Variants in APRT observed in about 807,000 individuals in gnomAD.
APRT encodes the protein adenine phosphoribosyltransferase.
A neutral mutation model predicts 21.0 loss-of-function variants in APRT; 25 were observed. That is an observed-to-expected ratio of 1.19 (90% CI 0.87 to 1.66). The LOEUF is 1.66. Ranked by LOEUF, APRT falls within the 40% of genes most tolerant of loss-of-function variation. APRT has a pLI of 0.00. For synonymous variants in APRT, 153 were observed against 109.0 expected (o/e 1.40, Z -2.52); for missense variants, 294 against 232.7 (o/e 1.26, Z -1.72).
In APRT at chr16:88,809,634, A is replaced by C. The variant is rs1194988526; in HGVS notation, c.*64T>G. On this transcript the variant is annotated 3_prime_UTR_variant, in exon 5 of 5. Transcript: ENST00000378364. ...GGCAGCCGGTGCCCCTGGTCACTGC[A>C]GTTGCCCAAGGCTGATATTTCCCTG... The C allele has an allele frequency of 1.2e-5, 20 of 1,607,606 alleles. No homozygotes were observed. The highest frequency in any genetic ancestry group is 4.0e-5 in the African/African-American group (3 of 74,796).
intron 2 of APRT, 114 bp from the exon 3 acceptor site, chr16:88,810,670 A>T: frequency 7.4e-7 from 1 of 1,350,346 alleles, no homozygotes; most frequent in Non-Finnish European, 1.0e-6. Flanking sequence ...AGTGACATGC[A>T]CCATTTAAGG....
chr16:88,811,422 C>T (rs1382325089), intron 2 of APRT, 128 bp downstream of exon 2: 2 of 1,016,980 alleles, frequency 2.0e-6, no homozygotes, highest in Non-Finnish European at 2.9e-6. Context: ...GACCCAAGCA[C>T]GGCGCCCGTC....
At chr16:88,810,239 C>A (rs1909066042) in intron 3 of APRT, 91 bp from the exon 4 acceptor site, 2 of 1,525,672 alleles carry the variant, frequency 1.3e-6, no homozygotes, top group African/African-American at 2.7e-5. Context: ...ACCCTGACTC[C>A]AACCCCACCT....
chr16:88,809,563 C>A lies in APRT; in HGVS notation c.*135G>T. The A allele has an allele frequency of 7.1e-7, 1 of 1,415,364 alleles. No homozygotes were observed. 87.7% of individuals were successfully genotyped at this position (1,415,364 alleles called of 1,614,324 possible). ...TTGCCCCAGGCTTTGGCACTTCCAGCCCCAGGAGAGGCGCTGAACCCCAGC... is the reference window on the plus strand; with the variant it reads ...TTGCCCCAGGCTTTGGCACTTCCAGACCCAGGAGAGGCGCTGAACCCCAGC... On this transcript the variant is annotated 3_prime_UTR_variant, in exon 5 of 5. Coordinates refer to ENST00000378364, the MANE Select transcript of APRT (RefSeq NM_000485.3).
At position 88,810,281 on chromosome 16, in the gene APRT, T is replaced by C. The variant is rs1188285831; in HGVS notation, c.322-133A>G. 7.3e-6 allele frequency: 11 copies of C among 1,496,936 alleles called. No individual in the cohort carries two copies. In the African/African-American group the frequency reaches 9.7e-5, roughly 13 times the overall value. 92.7% of individuals were successfully genotyped at this position (1,496,936 alleles called of 1,614,324 possible). A position where few individuals can be genotyped will look rare whatever the true frequency, so the allele number is the denominator to read the frequency against. ...TACCTGGCTGTGTGAGCCCAGCCTATGTCTCAACCTCTCTGAGCTCCCAAG... is the reference window on the plus strand; with the variant it reads ...TACCTGGCTGTGTGAGCCCAGCCTACGTCTCAACCTCTCTGAGCTCCCAAG... On this transcript the variant is annotated intron_variant, in intron 3 of 4. Transcript: ENST00000378364.
intron 2 of APRT, among the ~76,000 whole-genome samples, chr16:88,810,874 C>G (rs546747797): frequency 1.3e-5 from 2 of 152,286 alleles, no homozygotes; most frequent in South Asian, 4.1e-4. Context: ...CAGCTCTGCA[C>G]CAGGGCTTCT....
chr16:88,811,628 C>T lies in APRT; in HGVS notation c.109G>A (p.Ala37Thr), dbSNP rs1470929707. 12 of 1,601,020 alleles carry T rather than the reference C, an allele frequency of 7.5e-6. No homozygotes were observed. The highest frequency in any genetic ancestry group is 9.4e-6 in the Non-Finnish European group (11 of 1,174,552). Residue 37 changes from alanine (A) to threonine (T), a missense_variant, in exon 2 of 5, where the codon GCC becomes ACC. By Grantham distance (58) the Ala-to-Thr change is moderately conservative. Coordinates refer to ENST00000378364, the MANE Select transcript of APRT (RefSeq NM_000485.3). ...AGGCCGATGGCGGCGCGGAAGGAGGCGGGGTCCTTCAGGACGGGCGAGATG... is the reference window on the plus strand; with the variant it reads ...AGGCCGATGGCGGCGCGGAAGGAGGTGGGGTCCTTCAGGACGGGCGAGATG... Reference protein sequence around the residue: ...RDISPVLKDPASFRAAIGLLA... With the variant: ...RDISPVLKDPTSFRAAIGLLA...
At position 88,810,111 on chromosome 16, in the gene APRT, C is replaced by A. The variant is rs776948275; in HGVS notation, c.359G>T (p.Gly120Val). Reference sequence around the variant, plus strand: ...ATCATCCACGACGACCACCCTCTGTCCTGGCTCCAGGGCGTCTTTCTGAAT... The same window carrying A: ...ATCATCCACGACGACCACCCTCTGTACTGGCTCCAGGGCGTCTTTCTGAAT... ...LEIQKDALEP[G>V]QRVVVVDDLL... Residue 120 changes from glycine (G) to valine (V), a missense_variant, in exon 4 of 5, where the codon GGA (glycine) becomes GTA (valine). By Grantham distance (109) the Gly-to-Val change is moderately radical. Transcript: ENST00000378364. 1.2e-6 allele frequency: 2 copies of A among 1,613,204 alleles called. No individual in the cohort carries two copies. The highest frequency in any genetic ancestry group is 1.7e-5 in the Admixed American group (1 of 60,008).
At chr16:88,810,325 G>C (rs1284735588) in intron 3 of APRT, 98 bp downstream of exon 3, 20 of 1,558,530 alleles carry the variant, frequency 1.3e-5, no homozygotes, top group Middle Eastern at 1.7e-4. Context: ...AACCACAGCA[G>C]CTCCACTTGA....
chr16:88,809,939 G>C, intron 4 of APRT, 99 bp from the exon 5 acceptor site: 1 of 1,575,108 alleles, frequency 6.3e-7, no homozygotes, highest in Non-Finnish European at 8.7e-7. Context: ...ATGGGGAGAG[G>C]AAGGTGTCGG....
Position 88,809,747 on chromosome 16 carries a change from C to G in APRT, c.494G>C (p.Arg165Thr), listed in dbSNP as rs1909036208. 1 of 1,613,430 alleles carries G rather than the reference C, an allele frequency of 6.2e-7. No individual in the cohort carries two copies. Among genetic ancestry groups the G allele is most frequent in the Non-Finnish European group, 8.5e-7 (1 of 1,180,016 alleles). ...GAAGGGTACAGGTGCCAGCTTCTCC[C>G]TGCCCTTAAGCGAGGTCAGCTCCAC... ...SLVELTSLKGREKLAPVPFFS... is the reference protein window; with the variant it reads ...SLVELTSLKGTEKLAPVPFFS... Residue 165 changes from arginine (R) to threonine (T), a missense_variant, in exon 5 of 5, where the codon AGG (arginine) becomes ACG (threonine). Physicochemically the swap from Arg to Thr is moderately conservative, Grantham distance 71. Coordinates refer to ENST00000378364, the MANE Select transcript of APRT (RefSeq NM_000485.3).
Position 88,809,615 on chromosome 16 carries a change from C to T in APRT, c.*83G>A, listed in dbSNP as rs748634790. On this transcript the variant is annotated 3_prime_UTR_variant, in exon 5 of 5. Coordinates refer to ENST00000378364, the MANE Select transcript of APRT (RefSeq NM_000485.3). ...AAGGAATGTGTTCCCTGTGGGCAGC[C>T]GGTGCCCCTGGTCACTGCAGTTGCC... The T allele has an allele frequency of 1.1e-3, 1,717 of 1,591,740 alleles. 1 individual carries two copies. The highest frequency in any genetic ancestry group is 1.4e-3 in the Non-Finnish European group (1,617 of 1,162,716).
In APRT at chr16:88,811,895, G is replaced by A; in HGVS notation, c.5C>T (p.Ala2Val). 5 of 1,551,576 alleles carry A rather than the reference G, an allele frequency of 3.2e-6. No individual in the cohort carries two copies. The highest frequency in any genetic ancestry group is 3.5e-6 in the Non-Finnish European group (4 of 1,150,776). ...CTCAACCAGCTGCAGCTCGGAGTCG[G>A]CCATGGCCGCGTGCGAAGAGCCAGC... M[A>V]DSELQLVEQR... The change falls in exon 1 of 5, where the codon GCC (alanine) becomes GTC (valine). Residue 2 changes from alanine to valine, a missense_variant. By Grantham distance (64) the Ala-to-Val change is moderately conservative. Coordinates refer to ENST00000378364, the MANE Select transcript of APRT (RefSeq NM_000485.3).
At chr16:88,811,232 G>C (rs1053384061) in intron 2 of APRT, 2 of 486,694 alleles carry the variant, frequency 4.1e-6, no homozygotes, top group African/African-American at 4.1e-5. Context: ...ATACCAGCTC[G>C]CAGAAGGAAC....
At chr16:88,811,689 G>A (rs528135115) in intron 1 of APRT, 33 bp from the exon 2 acceptor site, 23 of 1,534,410 alleles carry the variant, frequency 1.5e-5, no homozygotes, top group Non-Finnish European at 1.9e-5. Context: ...TGACGCCGGG[G>A]CCGAAGGAGG....
chr16:88,811,706 C>T (rs1160328733), intron 1 of APRT, 50 bp from the exon 2 acceptor site: 3 of 1,512,234 alleles, frequency 2.0e-6, no homozygotes, highest in Non-Finnish European at 2.7e-6. Flanking sequence ...GAGGGCAGGG[C>T]CCCGGGGGCG....
At chr16:88,810,607 G>A (rs1238816739) in intron 2 of APRT, 51 bp from the exon 3 acceptor site, 2 of 1,595,594 alleles carry the variant, frequency 1.3e-6, no homozygotes, top group Non-Finnish European at 1.7e-6. Context: ...ATCCCCAGGG[G>A]CCAGGGTTGG....
intron 3 of APRT, 73 bp downstream of exon 3, chr16:88,810,350 C>G: frequency 6.3e-7 from 1 of 1,592,828 alleles, no homozygotes; most frequent in Non-Finnish European, 8.5e-7. Flanking sequence ...CCTGGGAAGG[C>G]CTTTTAGAAC....
rs778600224 is a variant in APRT at position 88,809,406 on chromosome 16, G to A, written c.*292C>T. On this transcript the variant is annotated 3_prime_UTR_variant, in exon 5 of 5. Coordinates refer to ENST00000378364, the MANE Select transcript of APRT (RefSeq NM_000485.3). ...CCAAGCAGCACATGCCCACAGTACA[G>A]CTGAAGTCTGGTGTTGTCCTGGGGC... 37 of 550,342 alleles carry A rather than the reference G, an allele frequency of 6.7e-5. No homozygotes were observed. The highest frequency in any genetic ancestry group is 1.1e-4 in the Non-Finnish European group (33 of 288,726). 34.1% of individuals were successfully genotyped at this position (550,342 alleles called of 1,614,324 possible). A position where few individuals can be genotyped will look rare whatever the true frequency, so the allele number is the denominator to read the frequency against.
Sources: allele counts gnomAD v4.1 joint callset (sites outside exome capture counted in the v4.1 genomes callset), GRCh38; gene constraint gnomAD v4.1.1; transcripts MANE v1.5; gene names NCBI Gene and HGNC (gene_info 2026-07-23, HGNC 2026-07-21).